AKR1C3: variants seen among roughly 807,000 people sequenced by gnomAD.
AKR1C3 encodes 3-alpha hydroxysteroid dehydrogenase, type II.
In AKR1C3, 48 loss-of-function variants were observed where a neutral mutation model predicts 43.6. The observed-to-expected ratio is 1.10, with a 90% CI of 0.87 to 1.40. The LOEUF (loss-of-function observed/expected upper bound fraction) is 1.40. Among genes scored for constraint, AKR1C3 ranks in the 40% most tolerant of loss-of-function variants. The pLI, the probability that AKR1C3 is intolerant of heterozygous loss-of-function variation, is 0.00. For missense variants in AKR1C3, 482 were observed against 391.2 expected (o/e 1.23, Z -1.96); for synonymous variants, 162 against 139.6 (o/e 1.16, Z -1.13).
intron 1 of AKR1C3, among the ~76,000 whole-genome samples, chr10:5,066,059 G>T (rs571668721): frequency 6.6e-6 from 1 of 152,304 alleles, no homozygotes; most frequent in African/African-American, 2.4e-5. Flanking sequence ...ATCATCTGAA[G>T]CTAGATGGTC....
intron 7 of AKR1C3, among the ~76,000 whole-genome samples, chr10:5,104,935 G>T (rs948332160): frequency 6.6e-6 from 1 of 152,052 alleles, no homozygotes; most frequent in African/African-American, 2.4e-5. Context: ...ACTTGTTCAT[G>T]TTTTTTATTC....
chr10:5,102,764 T>C, intron 7 of AKR1C3, 114 bp downstream of exon 7: 1 of 1,510,700 alleles, frequency 6.6e-7, no homozygotes. Context: ...GTATTTCCCA[T>C]ATGAATGCTT....
chr10:5,054,985 A>G (rs1349743608), intron 1 of AKR1C3, among the ~76,000 whole-genome samples: 1 of 151,974 alleles, frequency 6.6e-6, no homozygotes, highest in Non-Finnish European at 1.5e-5. Context: ...GAGGTTAGGA[A>G]CTCCCTTTCT....
At chr10:5,099,201 G>C in intron 4 of AKR1C3, 126 bp from the exon 5 acceptor site, 2 of 1,479,180 alleles carry the variant, frequency 1.4e-6, no homozygotes, top group Non-Finnish European at 1.8e-6. Context: ...TTCTTTTTTT[G>C]ACAATCACTG....
intron 8 of AKR1C3, among the ~76,000 whole-genome samples, chr10:5,107,141 G>C (rs1564373958): frequency 6.6e-6 from 1 of 152,142 alleles, no homozygotes; most frequent in African/African-American, 2.4e-5. Context: ...ACAGTAGACA[G>C]TAGCAGGTAA....
Position 5,102,160 on chromosome 10 carries a change from T to G in AKR1C3, c.630T>G (p.Asp210Glu), listed in dbSNP as rs782783215. 8 of 1,614,020 alleles carry G rather than the reference T, an allele frequency of 5.0e-6. No homozygotes were observed. In the African/African-American group the frequency reaches 1.1e-4, roughly 22 times the overall value. Residue 210 changes from aspartate (D) to glutamate (E), a missense_variant, in exon 6 of 9, where the codon GAT becomes GAG. Transcript: ENST00000380554. ...TGCTAGATTTCTGCAAGTCGAAAGA[T>G]ATTGTTCTGGTTGCCTATAGTGCTC... ...SKLLDFCKSK[D>E]IVLVAYSALG... is the part of the protein sequence containing the mutation.
chr10:5,098,321 A>C, intron 3 of AKR1C3: 1 of 439,334 alleles, frequency 2.3e-6, no homozygotes, highest in Non-Finnish European at 3.0e-6. Context: ...GGAGCAGCTC[A>C]AGGCTCATGG....
At chr10:5,077,752 C>G in intron 1 of AKR1C3, 1 of 1,093,934 alleles carries the variant, frequency 9.1e-7, no homozygotes, top group Non-Finnish European at 1.2e-6. Context: ...AGGTGCAGCT[C>G]ACTGCCAGTG....
At position 5,100,715 on chromosome 10, in the gene AKR1C3, C is replaced by T. The variant is rs568663564; in HGVS notation, c.570+1266C>T. On this transcript the variant is annotated intron_variant, in intron 5 of 8. Transcript: ENST00000380554. ...GTGAATTTGGCCTAATGATACAGTT[C>T]CATCATATCCAAATAGAAACATTAA... Among the ~76,000 whole-genome samples, 3 of 152,212 alleles carry T rather than the reference C, an allele frequency of 2.0e-5. No individual in the cohort carries two copies. In the East Asian group the frequency reaches 5.8e-4, roughly 29 times the overall value.
At chr10:5,079,512 C>T (rs1286340473) in intron 1 of AKR1C3, among the ~76,000 whole-genome samples, 2 of 151,636 alleles carry the variant, frequency 1.3e-5, no homozygotes, top group African/African-American at 4.9e-5. Flanking sequence ...CCTTATCTGC[C>T]TAATTGGATC....
chr10:5,062,713 G>A (rs1564355456), intron 1 of AKR1C3, among the ~76,000 whole-genome samples: 1 of 152,004 alleles, frequency 6.6e-6, no homozygotes, highest in African/African-American at 2.4e-5. Context: ...AATTTTAAAT[G>A]TCGAATTTCT....
intron 1 of AKR1C3, among the ~76,000 whole-genome samples, chr10:5,076,773 A>G (rs896847134): frequency 6.6e-6 from 1 of 152,106 alleles, no homozygotes; most frequent in Non-Finnish European, 1.5e-5. Context: ...TCATGCATAG[A>G]GCTCTGTCTG....
intron 1 of AKR1C3, among the ~76,000 whole-genome samples, chr10:5,073,927 A>T (rs1394978474): frequency 6.6e-6 from 1 of 152,086 alleles, no homozygotes; most frequent in African/African-American, 2.4e-5. Flanking sequence ...CAAAATCACT[A>T]AGCTAAAGAA....
At chr10:5,068,246 AT>A (rs560612926) in intron 1 of AKR1C3, among the ~76,000 whole-genome samples, 2 of 152,300 alleles carry the variant, frequency 1.3e-5, no homozygotes, top group South Asian at 4.1e-4. Flanking sequence ...TAGAACATAC[AT>A]TAGCATTATT....
intron 1 of AKR1C3, among the ~76,000 whole-genome samples, chr10:5,059,335 T>C (rs1838330009): frequency 6.6e-6 from 1 of 152,194 alleles, no homozygotes. Flanking sequence ...AAAGTTTCTC[T>C]GGCAAGCTTT....
intron 1 of AKR1C3, among the ~76,000 whole-genome samples, chr10:5,074,340 C>T (rs1032275049): frequency 2.6e-5 from 4 of 152,124 alleles, no homozygotes; most frequent in Admixed American, 6.5e-5. Flanking sequence ...GGGGTCCATA[C>T]TCTAAAAGAA....
intron 1 of AKR1C3, among the ~76,000 whole-genome samples, chr10:5,068,521 A>AC (rs1554781004): frequency 0.2 from 29,311 of 149,674 alleles, 3,041 homozygotes; most frequent in Admixed American, 0.25. Flanking sequence ...AAAAAAAAAA[A>AC]AAAACACATT....
intron 1 of AKR1C3, among the ~76,000 whole-genome samples, chr10:5,070,292 G>A (rs1838591469): frequency 6.6e-6 from 1 of 152,198 alleles, no homozygotes. Flanking sequence ...CCAGTGGAGG[G>A]TGTCCAGGTT....
rs1040925180 is a variant in AKR1C3 at position 5,081,965 on chromosome 10, A to G, written c.85-14445A>G. 43 of 152,308 alleles carry G rather than the reference A, an allele frequency of 2.8e-4. No individual in the cohort carries two copies. The East Asian group carries it at 7.5e-3, about 27-fold the overall frequency. 9.4% of individuals were successfully genotyped at this position (152,308 alleles called of 1,614,324 possible). A position where few individuals can be genotyped will look rare whatever the true frequency, so the allele number is the denominator to read the frequency against. Reference sequence around the variant, plus strand: ...GTTGCAAGAGAGAAGTAGAAGCTACATGGCATTCACCCTAAACCTACTTGC... The same window carrying G: ...GTTGCAAGAGAGAAGTAGAAGCTACGTGGCATTCACCCTAAACCTACTTGC... On this transcript the variant is annotated intron_variant, in intron 1 of 8. Transcript: ENST00000439082.
Sources: allele counts gnomAD v4.1 joint callset (sites outside exome capture counted in the v4.1 genomes callset), GRCh38; gene constraint gnomAD v4.1.1; transcripts MANE v1.5; gene names NCBI Gene and HGNC (gene_info 2026-07-23, HGNC 2026-07-21).